Variants in DLGAP2 observed in about 807,000 individuals in gnomAD.
The protein encoded by DLGAP2 is DLG associated protein 2.
Under a neutral mutation model 100.3 loss-of-function variants are expected in DLGAP2, and 26 were observed. That is an observed-to-expected ratio of 0.26 (90% CI 0.19 to 0.36). The LOEUF (loss-of-function observed/expected upper bound fraction) is 0.36, where lower values mean the gene tolerates loss of function less well. Ranked by LOEUF, DLGAP2 falls within the 10% of genes least tolerant of loss-of-function variation. DLGAP2 has a pLI of 1.00. For synonymous variants in DLGAP2, 886 were observed against 630.1 expected (o/e 1.41, Z -6.08); for missense variants, 1,858 against 1,453.2 (o/e 1.28, Z -4.53).
At chr8:863,255 G>T (rs113650278) in intron 1 of DLGAP2, among the ~76,000 whole-genome samples, 4 of 152,202 alleles carry the variant, frequency 2.6e-5, no homozygotes, top group East Asian at 1.9e-4. Flanking sequence ...CTGCACCAGG[G>T]TTATTTAAGG....
intron 1 of DLGAP2, among the ~76,000 whole-genome samples, chr8:753,206 C>G (rs112997080): frequency 4.9e-4 from 75 of 152,268 alleles, no homozygotes; most frequent in African/African-American, 1.8e-3. Flanking sequence ...CCGTCACTTA[C>G]GCAGAGGAGG....
At chr8:1,423,310 A>C (rs1281836056) in intron 3 of DLGAP2, among the ~76,000 whole-genome samples, 1 of 152,078 alleles carries the variant, frequency 6.6e-6, no homozygotes, top group Non-Finnish European at 1.5e-5. Flanking sequence ...TGGGACAGAC[A>C]GGTTCCCCCA....
At chr8:1,539,571 C>T (rs1254233768) in intron 4 of DLGAP2, among the ~76,000 whole-genome samples, 8 of 152,080 alleles carry the variant, frequency 5.3e-5, no homozygotes, top group Non-Finnish European at 7.4e-5. Context: ...GCACCCTCAC[C>T]GGGAGCTGTG....
intron 2 of DLGAP2, among the ~76,000 whole-genome samples, chr8:1,028,155 G>C (rs1287094114): frequency 1.4e-5 from 2 of 138,176 alleles, no homozygotes; most frequent in African/African-American, 5.5e-5. Context: ...TTCTCCAGGT[G>C]GGGTACCAGG....
intron 3 of DLGAP2, among the ~76,000 whole-genome samples, chr8:1,323,187 G>A (rs771177874): frequency 1.3e-5 from 2 of 151,752 alleles, no homozygotes; most frequent in East Asian, 1.9e-4. Flanking sequence ...CAGCCTCCAC[G>A]CCCGGCTTAC....
intron 3 of DLGAP2, among the ~76,000 whole-genome samples, chr8:1,346,659 G>A (rs1801565501): frequency 6.6e-6 from 1 of 151,610 alleles, no homozygotes; most frequent in South Asian, 2.1e-4. Flanking sequence ...CGGTAGCTGT[G>A]TGGAGGTTGA....
At chr8:1,365,528 G>A (rs1449449615) in intron 3 of DLGAP2, among the ~76,000 whole-genome samples, 3 of 152,120 alleles carry the variant, frequency 2.0e-5, no homozygotes, top group South Asian at 2.1e-4. Flanking sequence ...TGGCAGGTCC[G>A]GCAGAATGTG....
At chr8:1,541,200 A>C (rs1225087215) in intron 4 of DLGAP2, among the ~76,000 whole-genome samples, 1 of 152,146 alleles carries the variant, frequency 6.6e-6, no homozygotes, top group African/African-American at 2.4e-5. Context: ...CCTAATGCAC[A>C]CTTCCTCTTT....
intron 4 of DLGAP2, among the ~76,000 whole-genome samples, chr8:1,516,696 T>A (rs951256774): frequency 6.0e-5 from 9 of 150,060 alleles, no homozygotes; most frequent in African/African-American, 2.0e-4. Flanking sequence ...AGTGACTGAG[T>A]GAATGAGTGG....
intron 3 of DLGAP2, among the ~76,000 whole-genome samples, chr8:1,370,818 C>A (rs557626344): frequency 1.0e-3 from 155 of 152,322 alleles, no homozygotes; most frequent in African/African-American, 3.5e-3. Flanking sequence ...TCTGTTTCTT[C>A]ATCATTAAAT....
At chr8:1,262,206 A>G (rs566340132) in intron 3 of DLGAP2, among the ~76,000 whole-genome samples, 5 of 152,208 alleles carry the variant, frequency 3.3e-5, no homozygotes, top group East Asian at 1.9e-4. Flanking sequence ...TCAGAATTCT[A>G]CAGTTGGGGA....
chr8:1,483,886 T>A (rs7814458), intron 3 of DLGAP2, among the ~76,000 whole-genome samples: 2 of 152,178 alleles, frequency 1.3e-5, no homozygotes, highest in East Asian at 1.9e-4. Flanking sequence ...CCTGTTAGTT[T>A]CAAACATAGC....
At chr8:1,482,457 T>C (rs1228000329) in intron 3 of DLGAP2, among the ~76,000 whole-genome samples, 1 of 152,230 alleles carries the variant, frequency 6.6e-6, no homozygotes, top group Admixed American at 6.5e-5. Flanking sequence ...GTATTAAAAA[T>C]AATCACAGAA....
At chr8:803,465 A>G (rs553879542) in intron 1 of DLGAP2, among the ~76,000 whole-genome samples, 134 of 151,710 alleles carry the variant, frequency 8.8e-4, no homozygotes, top group South Asian at 1.9e-3. Context: ...GGCCACCTCT[A>G]CTCTAGCTGC....
chr8:970,256 G>C (rs1054241231), intron 2 of DLGAP2, among the ~76,000 whole-genome samples: 1 of 152,174 alleles, frequency 6.6e-6, no homozygotes, highest in Admixed American at 6.5e-5. Context: ...AAAATTGATG[G>C]TGGGTTTGCA....
chr8:1,691,442 G>C, intron 12 of DLGAP2, 93 bp from the exon 13 acceptor site: 2 of 1,062,080 alleles, frequency 1.9e-6, no homozygotes, highest in Non-Finnish European at 2.8e-6. Context: ...ATCTCCAGTG[G>C]GACTCGCTCC....
At chr8:1,113,619 G>C (rs936176712) in intron 2 of DLGAP2, among the ~76,000 whole-genome samples, 2 of 152,122 alleles carry the variant, frequency 1.3e-5, no homozygotes, top group African/African-American at 4.8e-5. Flanking sequence ...GGGTTTTCTA[G>C]ATATAGAATC....
At chr8:901,515 C>T (rs1798250736) in intron 1 of DLGAP2, among the ~76,000 whole-genome samples, 2 of 152,102 alleles carry the variant, frequency 1.3e-5, no homozygotes, top group Non-Finnish European at 2.9e-5. Context: ...GAGGCAGGGG[C>T]GCAGGCGGAA....
At chr8:1,061,094 G>T (rs1803067994) in intron 2 of DLGAP2, among the ~76,000 whole-genome samples, 1 of 152,202 alleles carries the variant, frequency 6.6e-6, no homozygotes, top group African/African-American at 2.4e-5. Flanking sequence ...CCAGCATGAA[G>T]AACCCATCCA....
Sources: gnomAD v4.1 joint callset for allele counts (sites outside exome capture counted in the v4.1 genomes callset) on GRCh38, gnomAD v4.1.1 for gene constraint, MANE v1.5 for transcripts, NCBI Gene and HGNC (gene_info 2026-07-23, HGNC 2026-07-21) for gene names.